GLYR1: variants seen among roughly 807,000 people sequenced by gnomAD.
The protein encoded by GLYR1 is cytokine-like nuclear factor N-PAC.
Under a neutral mutation model 72.7 loss-of-function variants are expected in GLYR1, and 21 were observed. The ratio of observed to expected loss-of-function variants is 0.29; its 90% CI spans 0.20 to 0.42. The LOEUF is 0.42. Among genes scored for constraint, GLYR1 ranks in the 10% least tolerant of loss-of-function variants. GLYR1 has a pLI of 1.00. For missense variants in GLYR1, 594 were observed against 712.1 expected (o/e 0.83, Z 1.89); for synonymous variants, 392 against 270.2 (o/e 1.45, Z -4.42).
chr16:4,816,900 T>C (rs1164980201), intron 10 of GLYR1, among the ~76,000 whole-genome samples: 4 of 150,400 alleles, frequency 2.7e-5, no homozygotes, highest in Non-Finnish European at 4.4e-5. Flanking sequence ...GGCAGGAGAA[T>C]CACTTGAACC....
Position 4,846,226 on chromosome 16 carries a change from A to G in GLYR1, c.39-16T>C. On this transcript the variant is annotated splice_polypyrimidine_tract_variant and intron_variant, in intron 1 of 15. Transcript: ENST00000321919. ...GAGTTTCCCCCTAGAGAAAACACAA[A>G]GAGTCAACACTTGCCCTGCAAAAGC... is the stretch of plus-strand genomic sequence containing the variant. 6.2e-7 allele frequency: 1 copy of G among 1,613,784 alleles called. No homozygotes were observed. Among genetic ancestry groups the G allele is most frequent in the African/African-American group, 1.3e-5 (1 of 75,050 alleles).
At chr16:4,812,612 C>T (rs2083383526) in intron 12 of GLYR1, among the ~76,000 whole-genome samples, 2 of 151,834 alleles carry the variant, frequency 1.3e-5, no homozygotes, top group Admixed American at 6.6e-5. Context: ...CCTGCCTCAG[C>T]CTCCCGAGTA....
intron 12 of GLYR1, 23 bp downstream of exon 12, chr16:4,813,714 G>C (rs1239373648): frequency 6.4e-7 from 1 of 1,561,138 alleles, no homozygotes; most frequent in Non-Finnish European, 8.7e-7. Context: ...ATGCTGGAGA[G>C]CCAGCCCAAG....
At chr16:4,831,833 C>A in intron 5 of GLYR1, 146 bp downstream of exon 5, 1 of 1,197,130 alleles carries the variant, frequency 8.4e-7, no homozygotes, top group Non-Finnish European at 1.1e-6. Flanking sequence ...CGCACCTGCC[C>A]TGCAGGATTC....
intron 1 of GLYR1, chr16:4,846,936 C>T: frequency 6.4e-6 from 3 of 471,890 alleles, no homozygotes; most frequent in South Asian, 2.8e-5. Flanking sequence ...AGCCTCGCGG[C>T]ACCGGCGGCT....
At chr16:4,824,498 C>CAA (rs142627380) in intron 5 of GLYR1, among the ~76,000 whole-genome samples, 969 of 94,970 alleles carry the variant, frequency 0.01, 14 homozygotes, top group Admixed American at 0.016. Context: ...GACTCCATCT[C>CAA]AAAAAAAAAA....
At chr16:4,821,684 G>C (rs915315008) in intron 7 of GLYR1, 87 bp from the exon 8 acceptor site, 6 of 1,264,892 alleles carry the variant, frequency 4.7e-6, no homozygotes, top group Non-Finnish European at 1.2e-6. Context: ...TAGACCCAAA[G>C]TGGGAAGTTA....
In GLYR1 at chr16:4,803,732, A is replaced by C. The variant is rs1221848276; in HGVS notation, c.*1504T>G. 1 of 152,082 alleles carries C rather than the reference A, an allele frequency of 6.6e-6. No homozygotes were observed. The highest frequency in any genetic ancestry group is 1.5e-5 in the Non-Finnish European group (1 of 68,018). The allele number at this position is 152,082 out of a possible 1,614,324, so 9.4% of individuals were successfully genotyped here. A position where few individuals can be genotyped will look rare whatever the true frequency, so the allele number is the denominator to read the frequency against. On this transcript the variant is annotated 3_prime_UTR_variant, in exon 16 of 16. Coordinates refer to ENST00000321919, the MANE Select transcript of GLYR1 (RefSeq NM_032569.4). ...TCTGCAATCCTCTAACCCAGTTTCT[A>C]ATCTCTGAAAGGGGCCAAAGCTGTG... is the stretch of plus-strand genomic sequence containing the variant.
chr16:4,833,051 C>T, intron 3 of GLYR1, 139 bp from the exon 4 acceptor site: 1 of 687,114 alleles, frequency 1.5e-6, no homozygotes, highest in Non-Finnish European at 2.3e-6. Flanking sequence ...TCTTTCAAAA[C>T]ATGCTATCAA....
intron 15 of GLYR1, 53 bp from the exon 16 acceptor site, chr16:4,805,363 C>A: frequency 1.4e-6 from 2 of 1,478,288 alleles, no homozygotes. Context: ...CCTTCAAGAC[C>A]TAGACCTGAT....
intron 10 of GLYR1, among the ~76,000 whole-genome samples, chr16:4,815,532 C>T (rs905428563): frequency 1.3e-5 from 2 of 152,050 alleles, no homozygotes; most frequent in Non-Finnish European, 2.9e-5. Flanking sequence ...AACATCTTTA[C>T]GTACAAAACT....
At chr16:4,815,210 A>G (rs1401740960) in intron 10 of GLYR1, among the ~76,000 whole-genome samples, 1 of 150,552 alleles carries the variant, frequency 6.6e-6, no homozygotes, top group East Asian at 1.9e-4. Context: ...GACTCAAGTG[A>G]TCCTCCTGCC....
intron 9 of GLYR1, among the ~76,000 whole-genome samples, chr16:4,818,794 C>T (rs1336215808): frequency 2.6e-5 from 4 of 152,170 alleles, no homozygotes; most frequent in African/African-American, 9.7e-5. Context: ...AGTCCTTCAC[C>T]TGAGCTTGGA....
rs1478624799 is a variant in GLYR1 at position 4,811,684 on chromosome 16, T to C, written c.1401A>G (p.Thr467=). 6.2e-6 allele frequency: 10 copies of C among 1,614,142 alleles called. No individual in the cohort carries two copies. Among genetic ancestry groups the C allele is most frequent in the South Asian group, 2.2e-5 (2 of 91,086 alleles). Residue 467 remains threonine, a synonymous_variant, in exon 14 of 16, where the codon ACA becomes ACG. Coordinates refer to ENST00000321919, the MANE Select transcript of GLYR1 (RefSeq NM_032569.4). ...LAQVTGQSQQ[T]LLDILNQGQL... is the part of the protein sequence containing the mutation. ...GTCCCTGATTGAGGATGTCCAAGAG[T>C]GTCTGCTGGGACTGGCCTGTCACCT...
At chr16:4,841,457 CAAAAAAAAAAAAAAAAA>C (rs1160441336) in intron 3 of GLYR1, among the ~76,000 whole-genome samples, 1 of 31,956 alleles carries the variant, frequency 3.1e-5, no homozygotes, top group Non-Finnish European at 5.9e-5. Context: ...CTTGTCTCTA[CAAAAAAAAAAAAAAAAA>C]AAAAAAAAAA....
rs745671537 is a variant in GLYR1, at chr16:4,817,610, G to A, written c.894C>T (p.Arg298=). ...KMGHTVTVWN[R]TAEKCDLFIQ... Reference sequence around the variant, plus strand: ...CCTGAATGCTTACTTTCTCTGCAGTGCGGTTCCAGACAGTCACTGTGTGAC... The same window carrying A: ...CCTGAATGCTTACTTTCTCTGCAGTACGGTTCCAGACAGTCACTGTGTGAC... Residue 298 remains arginine, a synonymous_variant, in exon 10 of 16, where the codon CGC becomes CGT. Transcript: ENST00000321919. The A allele has an allele frequency of 2.1e-5, 34 of 1,609,406 alleles. 1 individual carries two copies. The South Asian group carries it at 3.5e-4, about 17-fold the overall frequency.
At chr16:4,838,877 G>A (rs1377092896) in intron 3 of GLYR1, among the ~76,000 whole-genome samples, 5 of 151,996 alleles carry the variant, frequency 3.3e-5, no homozygotes, top group Non-Finnish European at 7.4e-5. Flanking sequence ...GTGAGCCACC[G>A]TGCCTGGCCA....
chr16:4,842,195 G>A (rs1295695050), intron 3 of GLYR1, among the ~76,000 whole-genome samples: 1 of 150,728 alleles, frequency 6.6e-6, no homozygotes, highest in African/African-American at 2.4e-5. Context: ...AGTGAGCCAA[G>A]ATCGCGCCAC....
chr16:4,811,274 TAA>T lies in GLYR1; in HGVS notation c.1481_1482del (p.Phe494Ter). The T allele has an allele frequency of 6.2e-7, 1 of 1,614,076 alleles. No homozygotes were observed. Among genetic ancestry groups the T allele is most frequent in the Non-Finnish European group, 8.5e-7 (1 of 1,179,992 alleles). On this transcript the variant is annotated frameshift_variant, in exon 15 of 16. Transcript: ENST00000321919. LOFTEE classifies it high-confidence loss of function. ...ATGTATTTCAGGTAGAAATCAGGCT[TAA>T]AGTTTCCTTGCAGGATATCTGAGGA... ...QKCQNILQGN[F>X]KPDFYLKYIQ...
Sources: allele counts gnomAD v4.1 joint callset (sites outside exome capture counted in the v4.1 genomes callset), GRCh38; gene constraint gnomAD v4.1.1; transcripts MANE v1.5; gene names NCBI Gene and HGNC (gene_info 2026-07-23, HGNC 2026-07-21).